The following UGT2A1 variants were observed in gnomAD, a reference collection of about 807,000 sequenced individuals.
UGT2A1 encodes the protein UDP glucuronosyltransferase family 2 member A1 complex locus.
In UGT2A1, 61 loss-of-function variants were observed where a neutral mutation model predicts 45.4. The ratio of observed to expected loss-of-function variants is 1.34; its 90% confidence interval spans 1.09 to 1.66. The LOEUF (loss-of-function observed/expected upper bound fraction) is 1.66, where lower values mean the gene tolerates loss of function less well. Among genes scored for constraint, UGT2A1 ranks in the 40% most tolerant of loss-of-function variants. The pLI is 0.00. For missense variants in UGT2A1, 649 were observed against 574.3 expected (o/e 1.13, Z -1.33); for synonymous variants, 229 against 196.2 (o/e 1.17, Z -1.40).
intron 6 of UGT2A1, among the ~76,000 whole-genome samples, chr4:69,590,395 CTG>C (rs1330515488): frequency 2.6e-5 from 4 of 152,176 alleles, no homozygotes; most frequent in African/African-American, 9.7e-5. Context: ...AAAAGGCAAA[CTG>C]TGTCTTCACT....
chr4:69,619,169 A>G (rs1436252027), intron 3 of UGT2A1, among the ~76,000 whole-genome samples: 1 of 151,916 alleles, frequency 6.6e-6, no homozygotes, highest in East Asian at 1.9e-4. Flanking sequence ...AAGCCAATAC[A>G]GGAGGATTGC....
chr4:69,643,555 G>A lies in UGT2A1; in HGVS notation c.715+3375C>T, dbSNP rs1363548882. Among the ~76,000 whole-genome samples the A allele has an allele frequency of 2.0e-4, 30 of 151,604 alleles. 1 individual carries two copies. The highest frequency in any genetic ancestry group is 1.5e-5 in the Non-Finnish European group (1 of 67,714). Reference sequence around the variant, plus strand: ...TGTAAATCACTTATCACAGTGGCTAGTGCATAGGAAGATATTAATATATAC... The same window carrying A: ...TGTAAATCACTTATCACAGTGGCTAATGCATAGGAAGATATTAATATATAC... On this transcript the variant is annotated intron_variant, in intron 2 of 6. Transcript: ENST00000286604.
intron 3 of UGT2A1, among the ~76,000 whole-genome samples, chr4:69,600,562 T>C (rs10028954): frequency 0.53 from 80,557 of 151,976 alleles, 21,765 homozygotes; most frequent in East Asian, 0.59. Flanking sequence ...AGTTTCCATC[T>C]CAGTGGGTGT....
intron 3 of UGT2A1, among the ~76,000 whole-genome samples, chr4:69,600,801 T>C (rs1054385438): frequency 7.5e-6 from 1 of 132,474 alleles, no homozygotes; most frequent in African/African-American, 2.8e-5. Flanking sequence ...GCAAAGGTGC[T>C]ATACACTTAA....
intron 3 of UGT2A1, among the ~76,000 whole-genome samples, chr4:69,614,633 T>A (rs1223888322): frequency 1.3e-5 from 2 of 151,786 alleles, no homozygotes; most frequent in Non-Finnish European, 2.9e-5. Flanking sequence ...TATAGACCAA[T>A]GGAATAGAAT....
intron 3 of UGT2A1, among the ~76,000 whole-genome samples, chr4:69,627,384 T>C (rs1271563093): frequency 2.0e-5 from 3 of 151,826 alleles, no homozygotes; most frequent in Admixed American, 6.6e-5. Context: ...TACTACATAA[T>C]AGATTCATAT....
intron 2 of UGT2A1, among the ~76,000 whole-genome samples, chr4:69,642,641 C>T (rs1722098394): frequency 6.6e-6 from 1 of 151,550 alleles, no homozygotes; most frequent in East Asian, 1.9e-4. Context: ...ATGCAAAGAT[C>T]TAGATATTAT....
intron 1 of UGT2A1, among the ~76,000 whole-genome samples, chr4:69,652,304 A>C (rs1722564431): frequency 1.4e-5 from 1 of 72,832 alleles, no homozygotes; most frequent in Non-Finnish European, 2.8e-5. Flanking sequence ...TTTTTTTGAG[A>C]CCAAGTTTTG....
chr4:69,650,150 T>C (rs915342513), intron 1 of UGT2A1, among the ~76,000 whole-genome samples: 2 of 152,080 alleles, frequency 1.3e-5, no homozygotes, highest in Admixed American at 6.6e-5. Context: ...ATGTCCACGC[T>C]CATTAATTTT....
chr4:69,622,424 C>G (rs1400228384), intron 3 of UGT2A1, among the ~76,000 whole-genome samples: 1 of 151,506 alleles, frequency 6.6e-6, no homozygotes, highest in East Asian at 1.9e-4. Flanking sequence ...TGAAACAATT[C>G]TTAACTACAT....
chr4:69,614,446 C>A (rs148338216), intron 3 of UGT2A1, among the ~76,000 whole-genome samples: 85 of 127,240 alleles, frequency 6.7e-4, no homozygotes, highest in African/African-American at 2.6e-3. Context: ...CAATAAAATT[C>A]TTCACAAATT....
rs908809215 is a variant in UGT2A1 at position 69,652,097 on chromosome 4, T to C, written c.-55+1091A>G. Among the ~76,000 whole-genome samples, 5 of 152,086 alleles carry C rather than the reference T, an allele frequency of 3.3e-5. 1 individual carries two copies. The highest frequency in any genetic ancestry group is 3.3e-4 in the Admixed American group (5 of 15,260). The stretch of plus-strand genomic sequence containing the variant: ...GTCTCATCTGCCTGATGCCCCCCAG[T>C]CAAATTCTTACTTCTGAGGAGGCAA... On this transcript the variant is annotated intron_variant, in intron 1 of 6. Coordinates refer to ENST00000286604, the MANE Select transcript of UGT2A1 (RefSeq NM_001252275.3).
chr4:69,609,340 A>AT lies in UGT2A1; in HGVS notation c.848-9947dup, dbSNP rs552691222. On this transcript the variant is annotated intron_variant, in intron 3 of 6. Transcript: ENST00000286604. ...CTATTTTTTTCTTTTCTTTTCTACTATTTTTTATTTTTCAGTTTTAATTTT... is the reference window on the plus strand; with the variant it reads ...CTATTTTTTTCTTTTCTTTTCTACTATTTTTTTATTTTTCAGTTTTAATTTT... Among the ~76,000 whole-genome samples the AT allele has an allele frequency of 8.4e-4, 128 of 151,564 alleles. 3 individuals are homozygous for AT. Among genetic ancestry groups the AT allele is most frequent in the Non-Finnish European group, 1.4e-3 (97 of 67,882 alleles).
At chr4:69,595,392 A>G in intron 4 of UGT2A1, 143 bp from the exon 5 acceptor site, 2 of 867,958 alleles carry the variant, frequency 2.3e-6, no homozygotes, top group Non-Finnish European at 3.5e-6. Context: ...TGAGATACGT[A>G]GTAGGACTGT....
At chr4:69,632,282 C>G (rs1457195471) in intron 3 of UGT2A1, among the ~76,000 whole-genome samples, 1 of 152,014 alleles carries the variant, frequency 6.6e-6, no homozygotes, top group African/African-American at 2.4e-5. Context: ...TTACAAAGCT[C>G]AAAAGGACTA....
chr4:69,601,226 G>A (rs1267710954), intron 3 of UGT2A1, among the ~76,000 whole-genome samples: 1 of 152,146 alleles, frequency 6.6e-6, no homozygotes, highest in African/African-American at 2.4e-5. Flanking sequence ...AACAGCCAGA[G>A]AGCTTCCCTC....
chr4:69,606,519 G>T (rs1318387271), intron 3 of UGT2A1, among the ~76,000 whole-genome samples: 2 of 136,178 alleles, frequency 1.5e-5, no homozygotes, highest in Non-Finnish European at 3.1e-5. Context: ...GCACAAGACA[G>T]GGATGCCCTC....
intron 3 of UGT2A1, among the ~76,000 whole-genome samples, chr4:69,632,948 A>G (rs1721469372): frequency 6.6e-6 from 1 of 152,038 alleles, no homozygotes; most frequent in African/African-American, 2.4e-5. Flanking sequence ...GGAATACGTT[A>G]TGCACTAGAG....
At chr4:69,643,094 C>T (rs549938655) in intron 2 of UGT2A1, among the ~76,000 whole-genome samples, 7 of 151,462 alleles carry the variant, frequency 4.6e-5, no homozygotes, top group African/African-American at 1.7e-4. Flanking sequence ...TCTCCTAATG[C>T]CAAAAATATA....
Sources: gnomAD v4.1 joint callset for allele counts (sites outside exome capture counted in the v4.1 genomes callset) on GRCh38, gnomAD v4.1.1 for gene constraint, MANE v1.5 for transcripts, NCBI Gene and HGNC (gene_info 2026-07-23, HGNC 2026-07-21) for gene names.